CNTN5: variants seen among roughly 807,000 people sequenced by gnomAD.
CNTN5 encodes the protein contactin 5, also known as contactin-5.
In CNTN5, 77 loss-of-function variants were observed where a neutral mutation model predicts 129.1. The observed-to-expected ratio is 0.60, with a 90% CI of 0.50 to 0.72. The LOEUF is 0.72. CNTN5 is among the 30% of genes least tolerant of loss of function. The pLI is 0.00. For synonymous variants in CNTN5, 509 were observed against 465.6 expected (o/e 1.09, Z -1.20); for missense variants, 1,478 against 1,328.8 (o/e 1.11, Z -1.75).
chr11:99,364,328 A>G (rs1006819809), intron 2 of CNTN5, among the ~76,000 whole-genome samples: 3 of 152,072 alleles, frequency 2.0e-5, no homozygotes, highest in African/African-American at 7.2e-5. Context: ...CAAATACTCA[A>G]GTGGTTGTAG....
intron 1 of CNTN5, among the ~76,000 whole-genome samples, chr11:99,050,016 T>G (rs973872094): frequency 2.6e-5 from 4 of 152,244 alleles, no homozygotes; most frequent in African/African-American, 9.6e-5. Flanking sequence ...TATTATGCAA[T>G]GAATTAGTTT....
At chr11:99,558,184 T>C in intron 3 of CNTN5, 1 of 157,202 alleles carries the variant, frequency 6.4e-6, no homozygotes, top group Non-Finnish European at 1.2e-5. Flanking sequence ...GATATTTTAT[T>C]CAGTGTTGGG....
chr11:99,262,550 T>C (rs945704628), intron 1 of CNTN5, among the ~76,000 whole-genome samples: 1 of 151,838 alleles, frequency 6.6e-6, no homozygotes, highest in Non-Finnish European at 1.5e-5. Flanking sequence ...TTAACCTCCT[T>C]GTCTTCTGAG....
chr11:99,164,886 G>A (rs1300769762), intron 1 of CNTN5, among the ~76,000 whole-genome samples: 1 of 152,124 alleles, frequency 6.6e-6, no homozygotes. Context: ...ATGAGAAAGA[G>A]CTCTCGCTGT....
intron 2 of CNTN5, among the ~76,000 whole-genome samples, chr11:99,369,225 T>TATAATATATAGAATATAACATATA (rs1302737132): frequency 6.8e-6 from 1 of 146,206 alleles, no homozygotes; most frequent in Non-Finnish European, 1.5e-5. Context: ...ATAATATATA[T>TATAATATATAGAATATAACATATA]ATATGTATTT....
At chr11:99,977,416 G>A (rs1938055893) in intron 8 of CNTN5, among the ~76,000 whole-genome samples, 1 of 152,262 alleles carries the variant, frequency 6.6e-6, no homozygotes, top group Admixed American at 6.5e-5. Context: ...ACTCCTGGTA[G>A]CAATTTTTAT....
chr11:99,598,372 C>CCTTCCT, intron 3 of CNTN5, among the ~76,000 whole-genome samples: 1 of 15,938 alleles, frequency 6.3e-5, no homozygotes, highest in East Asian at 2.2e-3. Context: ...CTCTCTCTCT[C>CCTTCCT]TCCCTCTCTC....
chr11:99,610,641 C>G (rs1195090133), intron 3 of CNTN5, among the ~76,000 whole-genome samples: 1 of 152,070 alleles, frequency 6.6e-6, no homozygotes, highest in Non-Finnish European at 1.5e-5. Flanking sequence ...AAAATTACTA[C>G]AAGGGAACAT....
intron 10 of CNTN5, among the ~76,000 whole-genome samples, chr11:100,066,349 A>C (rs1943694596): frequency 6.6e-6 from 1 of 152,120 alleles, no homozygotes; most frequent in African/African-American, 2.4e-5. Flanking sequence ...ATAATACTGA[A>C]AGTGATCTAT....
intron 3 of CNTN5, among the ~76,000 whole-genome samples, chr11:99,657,919 C>T (rs1258145747): frequency 1.3e-5 from 2 of 152,080 alleles, no homozygotes; most frequent in Non-Finnish European, 2.9e-5. Flanking sequence ...GTAAATTGGC[C>T]TTCTTTCACC....
intron 8 of CNTN5, among the ~76,000 whole-genome samples, chr11:99,992,614 T>C (rs12278922): frequency 0.071 from 10,738 of 152,200 alleles, 674 homozygotes; most frequent in African/African-American, 0.16. Flanking sequence ...AGGCTTAGAG[T>C]TGAACTCTGT....
chr11:100,040,092 T>G (rs998254369), intron 9 of CNTN5, among the ~76,000 whole-genome samples: 4 of 152,138 alleles, frequency 2.6e-5, no homozygotes, highest in African/African-American at 9.7e-5. Context: ...TTTCCCATCT[T>G]TGTGGTTTTA....
chr11:99,129,107 T>C (rs1258109379), intron 1 of CNTN5, among the ~76,000 whole-genome samples: 2 of 152,116 alleles, frequency 1.3e-5, no homozygotes, highest in African/African-American at 4.8e-5. Flanking sequence ...TTGAGATGGG[T>C]GAACTGACAG....
intron 3 of CNTN5, among the ~76,000 whole-genome samples, chr11:99,711,520 T>C (rs909262623): frequency 6.6e-6 from 1 of 151,984 alleles, no homozygotes; most frequent in East Asian, 1.9e-4. Flanking sequence ...CTGGGGTACA[T>C]ATGCATAATG....
intron 6 of CNTN5, among the ~76,000 whole-genome samples, chr11:99,860,112 T>C (rs1004531813): frequency 6.6e-6 from 1 of 152,210 alleles, no homozygotes; most frequent in Non-Finnish European, 1.5e-5. Context: ...GGAGTACTTC[T>C]TCCATATGTT....
At chr11:99,391,795 A>G (rs973218411) in intron 2 of CNTN5, among the ~76,000 whole-genome samples, 3 of 151,976 alleles carry the variant, frequency 2.0e-5, no homozygotes, top group Non-Finnish European at 4.4e-5. Flanking sequence ...ACATTTTTGT[A>G]TAAATTTTTG....
intron 2 of CNTN5, among the ~76,000 whole-genome samples, chr11:99,360,404 G>A (rs1939025103): frequency 6.6e-6 from 1 of 152,184 alleles, no homozygotes; most frequent in Non-Finnish European, 1.5e-5. Flanking sequence ...AAACCTGTGG[G>A]AGTTCTCTGT....
At chr11:99,633,049 G>A (rs778838160) in intron 3 of CNTN5, among the ~76,000 whole-genome samples, 69 of 152,116 alleles carry the variant, frequency 4.5e-4, no homozygotes, top group Non-Finnish European at 8.5e-4. Context: ...ATGAAGGACT[G>A]TAAAAGTATG....
intron 1 of CNTN5, among the ~76,000 whole-genome samples, chr11:99,034,755 G>C (rs981277338): frequency 6.6e-6 from 1 of 151,892 alleles, no homozygotes; most frequent in Non-Finnish European, 1.5e-5. Flanking sequence ...AGGGTTTTTT[G>C]CATCTCTATT....
Sources: gnomAD v4.1 joint callset for allele counts (sites outside exome capture counted in the v4.1 genomes callset) on GRCh38, gnomAD v4.1.1 for gene constraint, MANE v1.5 for transcripts, NCBI Gene and HGNC (gene_info 2026-07-23, HGNC 2026-07-21) for gene names.